The following KCNT1 variants were observed in gnomAD, a reference collection of about 807,000 sequenced individuals.
The protein encoded by KCNT1 is potassium sodium-activated channel subfamily T member 1.
A neutral mutation model predicts 147.8 loss-of-function variants in KCNT1; 78 were observed. That is an observed-to-expected ratio of 0.53 (90% CI 0.44 to 0.64). The LOEUF is 0.64. KCNT1 is among the 30% of genes least tolerant of loss of function. The pLI, the probability that KCNT1 is intolerant of heterozygous loss-of-function variation, is 0.00. For missense variants in KCNT1, 1,419 were observed against 1,750.3 expected, an observed-to-expected ratio of 0.81 and a Z score of 3.38; for synonymous variants, 867 against 748.8, an observed-to-expected ratio of 1.16 and a Z score of -2.58.
At chr9:135,741,957 G>A (rs549872404) in intron 2 of KCNT1, among the ~76,000 whole-genome samples, 4 of 141,788 alleles carry the variant, frequency 2.8e-5, no homozygotes, top group Non-Finnish European at 6.2e-5. Context: ...CCGGCCCTCT[G>A]GAGCCCTCAG....
At chr9:135,779,646 G>A (rs1833463515) in intron 24 of KCNT1, among the ~76,000 whole-genome samples, 176 bp downstream of exon 24, 1 of 152,208 alleles carries the variant, frequency 6.6e-6, no homozygotes, top group Admixed American at 6.5e-5. Context: ...TCTTGATGGT[G>A]GAACCAGGAG....
chr9:135,712,165 A>G (rs1230182927), intron 1 of KCNT1, among the ~76,000 whole-genome samples: 1 of 152,026 alleles, frequency 6.6e-6, no homozygotes, highest in African/African-American at 2.4e-5. Flanking sequence ...GGCCTTGTCT[A>G]GGGGGTGTGC....
At chr9:135,788,415 G>T (rs1335662070) in intron 29 of KCNT1, among the ~76,000 whole-genome samples, 1 of 152,258 alleles carries the variant, frequency 6.6e-6, no homozygotes, top group East Asian at 1.9e-4. Context: ...TGGCCGCCAG[G>T]CAGAGTGGCG....
intron 2 of KCNT1, among the ~76,000 whole-genome samples, chr9:135,733,186 C>A: frequency 1.4e-5 from 2 of 147,072 alleles, no homozygotes; most frequent in African/African-American, 2.5e-5. Context: ...CATACCTGCC[C>A]CCGCACCTGC....
intron 24 of KCNT1, 105 bp downstream of exon 24, chr9:135,779,575 T>A: frequency 7.1e-6 from 6 of 840,046 alleles, no homozygotes; most frequent in Non-Finnish European, 1.2e-5. Context: ...GCTGGGCTCC[T>A]GCCGCCCTCC....
At chr9:135,732,016 A>AGAGAGAGG (rs1836488618) in intron 2 of KCNT1, among the ~76,000 whole-genome samples, 2 of 114,678 alleles carry the variant, frequency 1.7e-5, no homozygotes, top group Admixed American at 8.6e-5. Context: ...AGAGAGAGAG[A>AGAGAGAGG]GAGAGAGAGA....
intron 24 of KCNT1, among the ~76,000 whole-genome samples, chr9:135,783,010 G>A (rs1318122438): frequency 6.6e-6 from 1 of 152,224 alleles, no homozygotes; most frequent in Non-Finnish European, 1.5e-5. Context: ...CCTGTGAATC[G>A]AGTTCTGGTT....
At chr9:135,783,438 C>G (rs377512855) in intron 24 of KCNT1, among the ~76,000 whole-genome samples, 2 of 152,226 alleles carry the variant, frequency 1.3e-5, no homozygotes, top group Non-Finnish European at 2.9e-5. Flanking sequence ...CTGGATCCAG[C>G]CTGAGACACC....
chr9:135,755,180 T>TAC lies in KCNT1; in HGVS notation c.540+12_540+13dup. ...CTGTGGGCGATCCAGGTGAGTGCCC[T>TAC]ACCCTGCCCCCCTCCCGACTGCAGT... On this transcript the variant is annotated intron_variant, in intron 6 of 30. Coordinates refer to ENST00000371757, the MANE Select transcript of KCNT1 (RefSeq NM_020822.3). 1.2e-6 allele frequency: 2 copies of TAC among 1,606,786 alleles called. No individual in the cohort carries two copies. Among genetic ancestry groups the TAC allele is most frequent in the Non-Finnish European group, 1.7e-6 (2 of 1,176,552 alleles).
intron 14 of KCNT1, 31 bp from the exon 15 acceptor site, chr9:135,768,798 G>A (rs752797445): frequency 3.8e-5 from 60 of 1,592,176 alleles, no homozygotes; most frequent in East Asian, 9.0e-5. Flanking sequence ...AGGCCAGCCC[G>A]TCTGCACTGA....
intron 30 of KCNT1, 47 bp from the exon 31 acceptor site, chr9:135,791,994 G>C (rs1185597230): frequency 6.2e-7 from 1 of 1,603,342 alleles, no homozygotes; most frequent in Non-Finnish European, 8.5e-7. Context: ...CTGAGCAGGG[G>C]CTGCCCGGCC....
chr9:135,724,559 G>A (rs1836052553), intron 2 of KCNT1, among the ~76,000 whole-genome samples: 1 of 152,260 alleles, frequency 6.6e-6, no homozygotes, highest in African/African-American at 2.4e-5. Flanking sequence ...CAAGTTGAGT[G>A]TCTGCTGTAG....
At chr9:135,773,071 C>G (rs1292701770) in intron 19 of KCNT1, 122 bp downstream of exon 19, 1 of 608,564 alleles carries the variant, frequency 1.6e-6, no homozygotes, top group Non-Finnish European at 2.6e-6. Context: ...TGGACAGCTC[C>G]GTGGAAGTCC....
intron 2 of KCNT1, among the ~76,000 whole-genome samples, chr9:135,732,065 C>A (rs1836508533): frequency 7.6e-6 from 1 of 131,230 alleles, no homozygotes; most frequent in Non-Finnish European, 1.6e-5. Context: ...GTCATCCAGG[C>A]TGGAGTGCAG....
intron 2 of KCNT1, among the ~76,000 whole-genome samples, chr9:135,715,817 A>G (rs1205301225): frequency 1.3e-5 from 2 of 152,224 alleles, no homozygotes; most frequent in African/African-American, 2.4e-5. Flanking sequence ...GGAATGGAAT[A>G]TTCTACCAGA....
At chr9:135,786,727 G>A (rs982904034) in intron 29 of KCNT1, among the ~76,000 whole-genome samples, 1 of 152,256 alleles carries the variant, frequency 6.6e-6, no homozygotes, top group Admixed American at 6.5e-5. Flanking sequence ...CAGAGGCCCC[G>A]TGCAGAGGAG....
At chr9:135,785,707 A>AGCACCCCACGACCCACAGGCTCTG in intron 28 of KCNT1, 2 of 480,004 alleles carry the variant, frequency 4.2e-6, no homozygotes, top group South Asian at 2.1e-5. Context: ...ACCTCTTCCC[A>AGCACCCCACGACCCACAGGCTCTG]GCACCCCACG....
intron 29 of KCNT1, chr9:135,791,365 G>A (rs990172068): frequency 8.7e-5 from 19 of 218,254 alleles, no homozygotes; most frequent in Non-Finnish European, 1.5e-4. Context: ...AATGTGTGTG[G>A]AATACAGAGG....
At chr9:135,708,318 CACAT>C (rs1210670328) in intron 1 of KCNT1, among the ~76,000 whole-genome samples, 3 of 152,254 alleles carry the variant, frequency 2.0e-5, no homozygotes, top group African/African-American at 7.2e-5. Context: ...ATCCCATCCA[CACAT>C]GCATGCACAT....
Sources: allele counts gnomAD v4.1 joint callset (sites outside exome capture counted in the v4.1 genomes callset), GRCh38; gene constraint gnomAD v4.1.1; transcripts MANE v1.5; gene names NCBI Gene and HGNC (gene_info 2026-07-23, HGNC 2026-07-21).